GLIPR1L1: variants seen among roughly 807,000 people sequenced by gnomAD.
The protein encoded by GLIPR1L1 is GLIPR1 like 1.
A neutral mutation model predicts 29.9 loss-of-function variants in GLIPR1L1; 26 were observed. The ratio of observed to expected loss-of-function variants is 0.87; its 90% CI spans 0.64 to 1.21. The LOEUF is 1.21. Among genes scored for constraint, GLIPR1L1 ranks in the 50% most tolerant of loss-of-function variants. GLIPR1L1 has a pLI of 0.00. For missense variants in GLIPR1L1, 305 were observed against 290.3 expected (o/e 1.05, Z -0.37); for synonymous variants, 77 against 97.5 (o/e 0.79, Z 1.24).
intron 3 of GLIPR1L1, among the ~76,000 whole-genome samples, chr12:75,356,179 T>G (rs936883649): frequency 2.6e-5 from 4 of 151,996 alleles, no homozygotes; most frequent in Middle Eastern, 3.2e-3. Context: ...AGAAAAGAGA[T>G]GCCAGCAGAT....
chr12:75,349,365 TAAC>T (rs1308650162), intron 3 of GLIPR1L1, among the ~76,000 whole-genome samples: 5 of 152,058 alleles, frequency 3.3e-5, no homozygotes, highest in Admixed American at 6.6e-5. Context: ...AACATAACTT[TAAC>T]AACAACAACA....
chr12:75,343,583 C>A, intron 1 of GLIPR1L1, 110 bp from the exon 2 acceptor site: 1 of 823,798 alleles, frequency 1.2e-6, no homozygotes, highest in Non-Finnish European at 1.8e-6. Context: ...AGAAAAACTA[C>A]ATCTTATTAA....
intron 4 of GLIPR1L1, chr12:75,365,236 T>C (rs1337635817): frequency 2.6e-5 from 4 of 152,138 alleles, no homozygotes; most frequent in Non-Finnish European, 5.9e-5. Flanking sequence ...TCATCTGTTG[T>C]CTTCAGAATG....
In GLIPR1L1 at chr12:75,344,115, T is replaced by G. The variant is rs186314442; in HGVS notation, c.420+177T>G. Reference sequence around the variant, plus strand: ...ACCAAAGTTTTCTGTATGTTTCTTGTGCTGCAGTTCACTGGCCTTTTTGAA... The same window carrying G: ...ACCAAAGTTTTCTGTATGTTTCTTGGGCTGCAGTTCACTGGCCTTTTTGAA... On this transcript the variant is annotated intron_variant, in intron 2 of 5. Coordinates refer to ENST00000378695, the MANE Select transcript of GLIPR1L1 (RefSeq NM_001304964.2). Among the ~76,000 whole-genome samples the G allele has an allele frequency of 1.2e-4, 19 of 152,278 alleles. 1 individual carries two copies.
chr12:75,356,330 T>C lies in GLIPR1L1; in HGVS notation c.522-6772T>C, dbSNP rs1489646086. ...TTATAGATGACTGGAGATGATAAGTTTGTGGATAAATATATAAGATGTTTT... is the reference window on the plus strand; with the variant it reads ...TTATAGATGACTGGAGATGATAAGTCTGTGGATAAATATATAAGATGTTTT... On this transcript the variant is annotated intron_variant, in intron 3 of 5. Transcript: ENST00000378695. Among the ~76,000 whole-genome samples, 6 of 152,242 alleles carry C rather than the reference T, an allele frequency of 3.9e-5. No individual in the cohort carries two copies. The East Asian group carries it at 1.2e-3, about 29-fold the overall frequency.
At chr12:75,346,278 A>G (rs1271622282) in intron 2 of GLIPR1L1, among the ~76,000 whole-genome samples, 2 of 152,238 alleles carry the variant, frequency 1.3e-5, no homozygotes, top group Non-Finnish European at 2.9e-5. Context: ...AAACATTCAA[A>G]AGGAAAAATG....
At chr12:75,344,232 C>T (rs1413102773) in intron 2 of GLIPR1L1, among the ~76,000 whole-genome samples, 3 of 152,056 alleles carry the variant, frequency 2.0e-5, no homozygotes, top group African/African-American at 7.2e-5. Flanking sequence ...CTTCCCTTCC[C>T]TGGAAGTGGG....
intron 4 of GLIPR1L1, among the ~76,000 whole-genome samples, chr12:75,364,023 G>A (rs2043798022): frequency 6.6e-6 from 1 of 152,152 alleles, no homozygotes; most frequent in South Asian, 2.1e-4. Context: ...GGAATACCTC[G>A]GTTAAGATAA....
intron 2 of GLIPR1L1, among the ~76,000 whole-genome samples, chr12:75,346,801 G>A (rs1312640333): frequency 6.6e-6 from 1 of 152,008 alleles, no homozygotes; most frequent in Non-Finnish European, 1.5e-5. Flanking sequence ...TTACGAAATA[G>A]CTTAGTACAT....
At chr12:75,355,404 A>C (rs749562293) in intron 3 of GLIPR1L1, among the ~76,000 whole-genome samples, 5 of 152,248 alleles carry the variant, frequency 3.3e-5, no homozygotes, top group Non-Finnish European at 7.3e-5. Flanking sequence ...AGAAATGCAA[A>C]TCAAAATCGC....
chr12:75,367,168 C>T (rs771192510), intron 4 of GLIPR1L1, among the ~76,000 whole-genome samples: 3 of 147,524 alleles, frequency 2.0e-5, no homozygotes, highest in Admixed American at 6.9e-5. Flanking sequence ...ACCCAAAAGG[C>T]GGGGGGTTCT....
intron 1 of GLIPR1L1, among the ~76,000 whole-genome samples, chr12:75,339,444 G>C (rs2041955039): frequency 6.6e-6 from 1 of 151,582 alleles, no homozygotes; most frequent in African/African-American, 2.4e-5. Context: ...TTTTTAATGG[G>C]GTTGTTCTTT....
chr12:75,347,058 G>T, intron 2 of GLIPR1L1, among the ~76,000 whole-genome samples: 1 of 150,398 alleles, frequency 6.6e-6, no homozygotes, highest in African/African-American at 2.5e-5. Context: ...GAATAACTTT[G>T]CTATTCTTTG....
chr12:75,349,417 C>T (rs2042660204), intron 3 of GLIPR1L1, among the ~76,000 whole-genome samples: 1 of 152,098 alleles, frequency 6.6e-6, no homozygotes, highest in Non-Finnish European at 1.5e-5. Flanking sequence ...ATACACAATA[C>T]CCAGCACCTA....
intron 3 of GLIPR1L1, among the ~76,000 whole-genome samples, chr12:75,359,054 G>C (rs945722527): frequency 6.7e-6 from 1 of 150,194 alleles, no homozygotes; most frequent in Non-Finnish European, 1.5e-5. Context: ...CTACTGTATA[G>C]AAAATCCACT....
chr12:75,360,187 G>A (rs371565345), intron 3 of GLIPR1L1: 33 of 152,236 alleles, frequency 2.2e-4, no homozygotes, highest in East Asian at 9.7e-4. Context: ...GATAAGGTTT[G>A]GGTGGGGACA....
At chr12:75,350,488 G>T (rs1249935681) in intron 3 of GLIPR1L1, among the ~76,000 whole-genome samples, 1 of 152,182 alleles carries the variant, frequency 6.6e-6, no homozygotes, top group Non-Finnish European at 1.5e-5. Flanking sequence ...ATGCCCAGTG[G>T]AAAGATCAGG....
intron 1 of GLIPR1L1, among the ~76,000 whole-genome samples, chr12:75,336,708 CTTAG>C (rs1380169841): frequency 6.6e-6 from 1 of 151,614 alleles, no homozygotes; most frequent in Non-Finnish European, 1.5e-5. Flanking sequence ...AGATTTTAAT[CTTAG>C]TGAGTAAGAG....
rs113407239 is a variant in GLIPR1L1 at position 75,369,737 on chromosome 12, T to A, written c.611-223T>A. 6.1e-6 allele frequency: 6 copies of A among 985,174 alleles called. No individual in the cohort carries two copies. The African/African-American group carries it at 7.0e-5, about 11-fold the overall frequency. 61.0% of individuals were successfully genotyped at this position (985,174 alleles called of 1,614,324 possible). A position where few individuals can be genotyped will look rare whatever the true frequency, so the allele number is the denominator to read the frequency against. ...GTTTTGACTTTTGTGCCTTCAACAC[T>A]CAGAGGTGTTTTAGAAATATTTGTT... is the stretch of plus-strand genomic sequence containing the variant. On this transcript the variant is annotated intron_variant, in intron 4 of 5. Transcript: ENST00000378695.
Sources: gnomAD v4.1 joint callset for allele counts (sites outside exome capture counted in the v4.1 genomes callset) on GRCh38, gnomAD v4.1.1 for gene constraint, MANE v1.5 for transcripts, NCBI Gene and HGNC (gene_info 2026-07-23, HGNC 2026-07-21) for gene names.